The following POU3F3 variants were observed in gnomAD, a reference collection of about 807,000 sequenced individuals.
POU3F3 encodes POU class 3 homeobox 3.
A neutral mutation model predicts 8.6 loss-of-function variants in POU3F3; 1 was observed. The ratio of observed to expected loss-of-function variants is 0.12; its 90% CI spans 0.04 to 0.55. The LOEUF (loss-of-function observed/expected upper bound fraction) is 0.55, where lower values mean the gene tolerates loss of function less well. POU3F3 is among the 20% of genes least tolerant of loss of function. The pLI, the probability that POU3F3 is intolerant of heterozygous loss-of-function variation, is 0.91. For missense variants in POU3F3, 577 were observed against 690.7 expected, an observed-to-expected ratio of 0.84 and a Z score of 1.84; for synonymous variants, 418 against 327.4, an observed-to-expected ratio of 1.28 and a Z score of -2.99.
At chr2:104,907,738 T>G in the POU3F3 span, among the ~76,000 whole-genome samples, 20 of 152,354 alleles carry the variant, frequency 1.3e-4, no homozygotes, top group South Asian at 3.3e-3. Flanking sequence ...TTTTGCCTCC[T>G]TCTTTCCACC....
the POU3F3 span, among the ~76,000 whole-genome samples, chr2:104,884,501 A>G: frequency 6.6e-6 from 1 of 152,200 alleles, no homozygotes; most frequent in Non-Finnish European, 1.5e-5. Context: ...GCCTCAAGCC[A>G]ACTCAAGAAG....
chr2:104,894,463 T>C, the POU3F3 span, among the ~76,000 whole-genome samples: 5 of 152,108 alleles, frequency 3.3e-5, no homozygotes, highest in African/African-American at 9.7e-5. Flanking sequence ...CACAGCCCCA[T>C]GGTTGATGGA....
chr2:104,882,989 C>G, the POU3F3 span, among the ~76,000 whole-genome samples: 1 of 152,150 alleles, frequency 6.6e-6, no homozygotes, highest in African/African-American at 2.4e-5. Context: ...AAAGTAATAG[C>G]CATCTAAATG....
chr2:104,862,039 T>A (rs1263897772), downstream of POU3F3, among the ~76,000 whole-genome samples: 1 of 152,204 alleles, frequency 6.6e-6, no homozygotes, highest in Non-Finnish European at 1.5e-5. Context: ...ACTTGTGTAA[T>A]CAGATTCTTT....
At chr2:104,912,143 T>C in the POU3F3 span, among the ~76,000 whole-genome samples, 57 of 152,162 alleles carry the variant, frequency 3.7e-4, 1 homozygote, top group East Asian at 0.011. Context: ...TTCGGAGCAG[T>C]GTGTTTGATT....
chr2:104,920,160 G>C, the POU3F3 span, among the ~76,000 whole-genome samples: 1 of 152,124 alleles, frequency 6.6e-6, no homozygotes, highest in Non-Finnish European at 1.5e-5. Context: ...AATTACAGGC[G>C]CATGCCATCA....
chr2:104,912,858 G>C, the POU3F3 span, among the ~76,000 whole-genome samples: 4 of 152,204 alleles, frequency 2.6e-5, no homozygotes, highest in Admixed American at 2.0e-4. Flanking sequence ...CATTCATGGT[G>C]CCAATGCCAC....
At chr2:104,898,800 G>A in the POU3F3 span, among the ~76,000 whole-genome samples, 3 of 152,134 alleles carry the variant, frequency 2.0e-5, no homozygotes, top group Admixed American at 1.3e-4. Context: ...TTCACTAAAA[G>A]GTAAGCATTT....
the POU3F3 span, among the ~76,000 whole-genome samples, chr2:104,877,068 A>ACAC: frequency 2.6e-5 from 4 of 152,100 alleles, no homozygotes; most frequent in Non-Finnish European, 4.4e-5. Flanking sequence ...ACACACACAC[A>ACAC]GAGTCATTGC....
the POU3F3 span, among the ~76,000 whole-genome samples, chr2:104,884,010 C>T: frequency 1.3e-5 from 2 of 152,082 alleles, no homozygotes; most frequent in Non-Finnish European, 2.9e-5. Flanking sequence ...CCCAGTGGTC[C>T]CTTTCAAATT....
chr2:104,916,517 A>C, the POU3F3 span, among the ~76,000 whole-genome samples: 1 of 152,174 alleles, frequency 6.6e-6, no homozygotes, highest in Non-Finnish European at 1.5e-5. Flanking sequence ...GGGCTGGAGA[A>C]TCTGCTCTCA....
the POU3F3 span, among the ~76,000 whole-genome samples, chr2:104,917,804 C>T: frequency 6.6e-6 from 1 of 152,164 alleles, no homozygotes; most frequent in Non-Finnish European, 1.5e-5. Flanking sequence ...CCCTCCCTTG[C>T]TGGGGGGTTG....
At chr2:104,913,745 C>T in the POU3F3 span, among the ~76,000 whole-genome samples, 169 of 152,330 alleles carry the variant, frequency 1.1e-3, no homozygotes, top group African/African-American at 3.9e-3. Flanking sequence ...GTACCTGTAC[C>T]TATGCACCCT....
At chr2:104,893,915 G>A in the POU3F3 span, among the ~76,000 whole-genome samples, 2 of 150,430 alleles carry the variant, frequency 1.3e-5, no homozygotes, top group African/African-American at 2.4e-5. Flanking sequence ...GATGCAGTGC[G>A]CGCCAAGGGG....
At chr2:104,894,236 A>G in the POU3F3 span, among the ~76,000 whole-genome samples, 1 of 152,242 alleles carries the variant, frequency 6.6e-6, no homozygotes, top group African/African-American at 2.4e-5. Flanking sequence ...CATTATCACT[A>G]TTAAATTAAG....
In POU3F3 at chr2:104,854,894, T is replaced by C. The variant is rs551459624; in HGVS notation, c.-617T>C. Among the ~76,000 whole-genome samples, 1 of 152,316 alleles carries C rather than the reference T, an allele frequency of 6.6e-6. No individual in the cohort carries two copies. The highest frequency in any genetic ancestry group is 6.5e-5 in the Admixed American group (1 of 15,304). ...CGGACAAGAGAAGGAGCGGGCCGGT[T>C]GCTGGTCATCCGTAATTTGGCTAAG... On this transcript the variant is annotated 5_prime_UTR_variant, in exon 1 of 1. Coordinates refer to ENST00000361360, the MANE Select transcript of POU3F3 (RefSeq NM_006236.3). This position sits in a 1 kb window ranked among gnomAD's most constrained non-coding sequence, Gnocchi z 4.5.
the POU3F3 span, among the ~76,000 whole-genome samples, chr2:104,896,757 T>C: frequency 6.6e-6 from 1 of 152,232 alleles, no homozygotes; most frequent in Non-Finnish European, 1.5e-5. Flanking sequence ...TGCTGACCCC[T>C]GTGCCCCGCC....
At chr2:104,898,681 A>G in the POU3F3 span, among the ~76,000 whole-genome samples, 6 of 152,176 alleles carry the variant, frequency 3.9e-5, no homozygotes, top group African/African-American at 9.6e-5. Flanking sequence ...AAAAAATAAG[A>G]CACTTTGAAT....
At chr2:104,898,332 C>A in the POU3F3 span, among the ~76,000 whole-genome samples, 2 of 152,118 alleles carry the variant, frequency 1.3e-5, no homozygotes, top group Non-Finnish European at 2.9e-5. Context: ...TTTGTCATAG[C>A]GGCCTGAACT....
Sources: allele counts gnomAD v4.1 joint callset (sites outside exome capture counted in the v4.1 genomes callset), GRCh38; gene constraint gnomAD v4.1.1; non-coding constraint Gnocchi (gnomAD v3.1); transcripts MANE v1.5; gene names NCBI Gene and HGNC (gene_info 2026-07-23, HGNC 2026-07-21).